The following PKP1 variants were observed in gnomAD, a reference collection of about 807,000 sequenced individuals.
PKP1 encodes the protein plakophilin-1.
In PKP1, 27 loss-of-function variants were observed where a neutral mutation model predicts 76.4. The observed-to-expected ratio is 0.35, with a 90% CI of 0.26 to 0.49. The LOEUF (loss-of-function observed/expected upper bound fraction) is 0.49, where lower values mean the gene tolerates loss of function less well. Ranked by LOEUF, PKP1 falls within the 20% of genes least tolerant of loss-of-function variation. The pLI is 0.99. For missense variants in PKP1, 964 were observed against 955.2 expected (o/e 1.01, Z -0.12); for synonymous variants, 404 against 384.2 (o/e 1.05, Z -0.60).
Position 201,313,152 on chromosome 1 carries a change from C to A in PKP1, c.307-14C>A, listed in dbSNP as rs761786350. On this transcript the variant is annotated splice_polypyrimidine_tract_variant and intron_variant, in intron 2 of 13. Coordinates refer to ENST00000367324, the MANE Select transcript of PKP1 (RefSeq NM_001005337.3). Reference sequence around the variant, plus strand: ...AGGAACCTTGACTGAGCTTTTCTCCCTTTCCCTGGCCAGATCTACAATGGA... The same window carrying A: ...AGGAACCTTGACTGAGCTTTTCTCCATTTCCCTGGCCAGATCTACAATGGA... The A allele has an allele frequency of 6.2e-7, 1 of 1,609,220 alleles. No homozygotes were observed. The highest frequency in any genetic ancestry group is 1.7e-5 in the Admixed American group (1 of 59,572).
rs1161007261 is a variant in PKP1, at chr1:201,328,871, A to G, written c.*32+3A>G. The G allele has an allele frequency of 1.3e-6, 2 of 1,546,458 alleles. No individual in the cohort carries two copies. Among genetic ancestry groups the G allele is most frequent in the Admixed American group, 1.7e-5 (1 of 59,924 alleles). ...GTCCAAGCAAGTTAGGCTTGCAGGTAAGAATCACCCCACCCTCAGGGATGC... is the reference window on the plus strand; with the variant it reads ...GTCCAAGCAAGTTAGGCTTGCAGGTGAGAATCACCCCACCCTCAGGGATGC... On this transcript the variant is annotated splice_donor_region_variant and intron_variant, in intron 13 of 13. Coordinates refer to ENST00000367324, the MANE Select transcript of PKP1 (RefSeq NM_001005337.3).
At chr1:201,308,483 G>A (rs1461311455) in intron 2 of PKP1, among the ~76,000 whole-genome samples, 1 of 152,218 alleles carries the variant, frequency 6.6e-6, no homozygotes, top group Non-Finnish European at 1.5e-5. Context: ...GAGGCCCCTG[G>A]CTTTAAGGGC....
chr1:201,299,494 C>T (rs936896059), intron 2 of PKP1, among the ~76,000 whole-genome samples: 1 of 152,204 alleles, frequency 6.6e-6, no homozygotes, highest in Non-Finnish European at 1.5e-5. Context: ...TGGACTAAAG[C>T]ACAGCCAAGG....
intron 12 of PKP1, among the ~76,000 whole-genome samples, chr1:201,327,011 C>T (rs1258495487): frequency 2.0e-5 from 3 of 152,152 alleles, no homozygotes; most frequent in East Asian, 1.9e-4. Flanking sequence ...GCCCTGGATC[C>T]GGTGCTTCGG....
chr1:201,324,606 C>T (rs371310418), intron 10 of PKP1, 25 bp downstream of exon 10: 3 of 1,613,394 alleles, frequency 1.9e-6, no homozygotes, highest in Non-Finnish European at 2.5e-6. Context: ...TCTCCTCCCC[C>T]TCTAGCTAAG....
chr1:201,299,140 G>A (rs944118105), intron 2 of PKP1, among the ~76,000 whole-genome samples: 11 of 152,328 alleles, frequency 7.2e-5, no homozygotes, highest in African/African-American at 1.4e-4. Context: ...TTACCAATCC[G>A]CAGTCAACAG....
At chr1:201,294,887 C>A (rs772167612) in intron 2 of PKP1, among the ~76,000 whole-genome samples, 1 of 152,206 alleles carries the variant, frequency 6.6e-6, no homozygotes, top group Non-Finnish European at 1.5e-5. Flanking sequence ...CCAGCCAGTG[C>A]AGGAATTTTC....
Position 201,332,642 on chromosome 1 carries a change from A to G in PKP1, c.*2601A>G, listed in dbSNP as rs1657367555. Reference sequence around the variant, plus strand: ...ATCTCCTGTGCTAGCGGCCAATGACAAATCCAGTCATTGGCCACCAGCCAC... The same window carrying G: ...ATCTCCTGTGCTAGCGGCCAATGACGAATCCAGTCATTGGCCACCAGCCAC... On this transcript the variant is annotated 3_prime_UTR_variant, in exon 14 of 14. Coordinates refer to ENST00000367324, the MANE Select transcript of PKP1 (RefSeq NM_001005337.3). The G allele has an allele frequency of 1.3e-5, 2 of 152,114 alleles. No homozygotes were observed. Among genetic ancestry groups the G allele is most frequent in the Admixed American group, 1.3e-4 (2 of 15,286 alleles). The allele number at this position is 152,114 out of a possible 1,614,324, so 9.4% of individuals were successfully genotyped here.
Position 201,284,543 on chromosome 1 carries a change from G to C in PKP1, c.202+639G>C, listed in dbSNP as rs148582921. On this transcript the variant is annotated intron_variant, in intron 1 of 13. Transcript: ENST00000367324. Reference sequence around the variant, plus strand: ...ACGGGAAAGTGGCACAGGGAGCAGGGACGAGGGCCTGGAACTCCAGGGCAC... The same window carrying C: ...ACGGGAAAGTGGCACAGGGAGCAGGCACGAGGGCCTGGAACTCCAGGGCAC... Among the ~76,000 whole-genome samples, 409 of 152,346 alleles carry C rather than the reference G, an allele frequency of 2.7e-3. 2 individuals are homozygous for C. Among genetic ancestry groups the C allele is most frequent in the African/African-American group, 9.3e-3 (387 of 41,578 alleles).
intron 5 of PKP1, 92 bp from the exon 6 acceptor site, chr1:201,318,526 C>G: frequency 9.3e-7 from 1 of 1,074,244 alleles, no homozygotes; most frequent in Non-Finnish European, 1.4e-6. Flanking sequence ...TCAGTAGGGC[C>G]CATTTGCCAG....
chr1:201,328,124 G>C (rs1200091323), intron 12 of PKP1, among the ~76,000 whole-genome samples: 1 of 152,136 alleles, frequency 6.6e-6, no homozygotes, highest in Non-Finnish European at 1.5e-5. Context: ...AGGGCACCTT[G>C]GCCTATTGCT....
At chr1:201,296,719 C>T (rs1278334273) in intron 2 of PKP1, among the ~76,000 whole-genome samples, 1 of 152,224 alleles carries the variant, frequency 6.6e-6, no homozygotes, top group African/African-American at 2.4e-5. Context: ...AGTTTCTGTA[C>T]TGGAGCATAA....
chr1:201,322,474 G>C (rs1571562080), intron 8 of PKP1, among the ~76,000 whole-genome samples: 1 of 152,304 alleles, frequency 6.6e-6, no homozygotes, highest in African/African-American at 2.4e-5. Flanking sequence ...TCTGAGGAAA[G>C]CCAGAACTCT....
At chr1:201,290,219 A>G (rs1655873316) in intron 1 of PKP1, among the ~76,000 whole-genome samples, 1 of 152,136 alleles carries the variant, frequency 6.6e-6, no homozygotes, top group Non-Finnish European at 1.5e-5. Context: ...CAGACGAGCT[A>G]TGTGGACAGA....
rs767171812 is a variant in PKP1, at chr1:201,320,362, C to G, written c.1328C>G (p.Ala443Gly). The change falls in exon 7 of 14, where the codon GCC becomes GGC. Residue 443 changes from alanine to glycine, a missense_variant. Ala to Gly is a moderately conservative substitution (Grantham distance 60). Coordinates refer to ENST00000367324, the MANE Select transcript of PKP1 (RefSeq NM_001005337.3). ...GCCTATGTCCAGAACTGTGTAGCGG[C>G]CAGCCGCTGTGACGACAAGGTGAGT... The part of the protein sequence containing the change: ...LMAYVQNCVA[A>G]SRCDDKSVEN... 1 of 1,612,652 alleles carries G rather than the reference C, an allele frequency of 6.2e-7. No individual in the cohort carries two copies. Among genetic ancestry groups the G allele is most frequent in the South Asian group, 1.1e-5 (1 of 91,046 alleles).
At chr1:201,287,971 A>G (rs977755941) in intron 1 of PKP1, among the ~76,000 whole-genome samples, 1 of 152,208 alleles carries the variant, frequency 6.6e-6, no homozygotes, top group Admixed American at 6.5e-5. Flanking sequence ...TCACACATGC[A>G]TATATGCATG....
Position 201,325,809 on chromosome 1 carries a change from A to G in PKP1, c.2077A>G (p.Ser693Gly), listed in dbSNP as rs1441316536. ...ARLLLSDMWS[S>G]KELQGVLRQQ... ...GCTTCTCCTGTCTGACATGTGGTCC[A>G]GCAAGGAACTGCAGGGTGTCCTCAG... The change falls in exon 12 of 14, where the codon AGC (serine) becomes GGC (glycine). Residue 693 changes from serine to glycine, a missense_variant. By Grantham distance (56) the Ser-to-Gly change is moderately conservative. Coordinates refer to ENST00000367324, the MANE Select transcript of PKP1 (RefSeq NM_001005337.3). The G allele has an allele frequency of 6.2e-7, 1 of 1,614,054 alleles. No homozygotes were observed. The highest frequency in any genetic ancestry group is 1.7e-5 in the Admixed American group (1 of 60,026).
intron 3 of PKP1, among the ~76,000 whole-genome samples, chr1:201,316,000 T>C (rs754622144): frequency 6.6e-6 from 1 of 152,028 alleles, no homozygotes; most frequent in Non-Finnish European, 1.5e-5. Context: ...TGTGAACATT[T>C]TTGTGTAAGA....
intron 1 of PKP1, among the ~76,000 whole-genome samples, chr1:201,289,510 C>T (rs748542579): frequency 1.3e-5 from 2 of 152,096 alleles, no homozygotes; most frequent in South Asian, 2.1e-4. Flanking sequence ...GTGGAAAAAG[C>T]GGATTTCCCT....
Sources: allele counts gnomAD v4.1 joint callset (sites outside exome capture counted in the v4.1 genomes callset), GRCh38; gene constraint gnomAD v4.1.1; transcripts MANE v1.5; gene names NCBI Gene and HGNC (gene_info 2026-07-23, HGNC 2026-07-21).